Variants in PTPRK observed in about 807,000 individuals in gnomAD.
PTPRK encodes the protein receptor-type tyrosine-protein phosphatase kappa.
Under a neutral mutation model 178.0 loss-of-function variants are expected in PTPRK, and 75 were observed. That is an observed-to-expected ratio of 0.42 (90% CI 0.35 to 0.51). The LOEUF (loss-of-function observed/expected upper bound fraction) is 0.51, where lower values mean the gene tolerates loss of function less well. Among genes scored for constraint, PTPRK ranks in the 20% least tolerant of loss-of-function variants. The pLI, the probability that PTPRK is intolerant of heterozygous loss-of-function variation, is 0.02. For synonymous variants in PTPRK, 637 were observed against 620.6 expected, an observed-to-expected ratio of 1.03 and a Z score of -0.39; for missense variants, 1,441 against 1,797.8, an observed-to-expected ratio of 0.80 and a Z score of 3.59.
chr6:127,970,034 G>A lies in PTPRK; in HGVS notation c.*193C>T. ...CATGAAATGTTGATGCTTTAATATA[G>A]TAATAAAAACTAATTCAGTCCTTTT... On this transcript the variant is annotated 3_prime_UTR_variant, in exon 30 of 30. Transcript: ENST00000368226. 3 of 480,926 alleles carry A rather than the reference G, an allele frequency of 6.2e-6. No homozygotes were observed. In the East Asian group the frequency reaches 1.0e-4, roughly 16 times the overall value. 29.8% of individuals were successfully genotyped at this position (480,926 alleles called of 1,614,324 possible).
chr6:128,084,142 C>T (rs1011435835), intron 8 of PTPRK, among the ~76,000 whole-genome samples: 1 of 151,998 alleles, frequency 6.6e-6, no homozygotes, highest in East Asian at 1.9e-4. Flanking sequence ...CCTCTAATAA[C>T]GTGAGGATCT....
intron 6 of PTPRK, among the ~76,000 whole-genome samples, chr6:128,199,444 GTTA>G (rs993235253): frequency 7.9e-5 from 12 of 152,060 alleles, no homozygotes; most frequent in African/African-American, 2.9e-4. Context: ...GGGGGAAGAG[GTTA>G]TTAACTAGAA....
chr6:128,500,525 G>C (rs767260438), intron 1 of PTPRK: 2 of 152,156 alleles, frequency 1.3e-5, no homozygotes, highest in African/African-American at 2.4e-5. Context: ...AGGCATAAAG[G>C]TAAGAGATTG....
At chr6:128,120,989 T>C (rs1199171048) in intron 7 of PTPRK, among the ~76,000 whole-genome samples, 2 of 151,922 alleles carry the variant, frequency 1.3e-5, no homozygotes, top group Non-Finnish European at 2.9e-5. Context: ...TAGAAAATAG[T>C]TATTTGAAAT....
intron 15 of PTPRK, among the ~76,000 whole-genome samples, chr6:128,000,702 A>T (rs1777732484): frequency 2.0e-5 from 3 of 152,096 alleles, no homozygotes. Flanking sequence ...TTAAATTCAG[A>T]AGCAATTGAT....
At chr6:128,162,858 T>C (rs1798889973) in intron 7 of PTPRK, among the ~76,000 whole-genome samples, 1 of 151,626 alleles carries the variant, frequency 6.6e-6, no homozygotes, top group Non-Finnish European at 1.5e-5. Flanking sequence ...AGCACAATTC[T>C]AGGTGCTACT....
intron 6 of PTPRK, among the ~76,000 whole-genome samples, chr6:128,192,795 C>A (rs1487075920): frequency 8.1e-6 from 1 of 122,890 alleles, no homozygotes; most frequent in Non-Finnish European, 1.6e-5. Flanking sequence ...CCAGTGTGGG[C>A]AACAGAATGA....
intron 13 of PTPRK, among the ~76,000 whole-genome samples, chr6:128,034,513 A>G (rs1274649007): frequency 6.6e-6 from 1 of 152,220 alleles, no homozygotes; most frequent in African/African-American, 2.4e-5. Flanking sequence ...TATTAAATAT[A>G]CACAGTACTG....
chr6:128,165,603 A>G (rs1366472611), intron 7 of PTPRK, among the ~76,000 whole-genome samples: 1 of 151,104 alleles, frequency 6.6e-6, no homozygotes, highest in Non-Finnish European at 1.5e-5. Flanking sequence ...AAATACCAAT[A>G]TAAACTTAAA....
intron 6 of PTPRK, among the ~76,000 whole-genome samples, chr6:128,197,321 C>G (rs1451881713): frequency 1.3e-5 from 2 of 151,666 alleles, no homozygotes; most frequent in African/African-American, 4.8e-5. Flanking sequence ...TTTTAAGCCC[C>G]TCATGCATTA....
intron 1 of PTPRK, among the ~76,000 whole-genome samples, chr6:128,407,259 T>G (rs1841763410): frequency 6.6e-6 from 1 of 152,146 alleles, no homozygotes; most frequent in Non-Finnish European, 1.5e-5. Flanking sequence ...TGCTTCAAAC[T>G]CTAGTATATC....
At chr6:128,122,129 G>A (rs1792567421) in intron 7 of PTPRK, among the ~76,000 whole-genome samples, 2 of 151,984 alleles carry the variant, frequency 1.3e-5, no homozygotes, top group East Asian at 3.8e-4. Context: ...ATTTTTAATA[G>A]CCTCGAGAAA....
At chr6:128,422,693 A>C (rs929675208) in intron 1 of PTPRK, among the ~76,000 whole-genome samples, 28 of 150,794 alleles carry the variant, frequency 1.9e-4, no homozygotes, top group Non-Finnish European at 3.8e-4. Context: ...AAAAAAAAAA[A>C]AAAAAAAAAA....
intron 13 of PTPRK, among the ~76,000 whole-genome samples, chr6:128,046,254 C>T (rs1410295545): frequency 6.6e-6 from 1 of 152,058 alleles, no homozygotes; most frequent in Non-Finnish European, 1.5e-5. Context: ...AACCTTAAAT[C>T]AGATTAATTT....
chr6:128,385,478 C>T (rs1005656478), intron 2 of PTPRK, among the ~76,000 whole-genome samples: 1 of 152,052 alleles, frequency 6.6e-6, no homozygotes, highest in Non-Finnish European at 1.5e-5. Context: ...TAAAATGTGT[C>T]CAAAATAATT....
chr6:128,235,260 T>C (rs1562841529), intron 5 of PTPRK: 1 of 152,298 alleles, frequency 6.6e-6, no homozygotes, highest in Non-Finnish European at 1.5e-5. Flanking sequence ...ATATTTTCAA[T>C]AATACTGAAA....
At chr6:128,415,519 A>AAAC (rs1172005238) in intron 1 of PTPRK, among the ~76,000 whole-genome samples, 28 of 151,706 alleles carry the variant, frequency 1.8e-4, no homozygotes, top group African/African-American at 6.5e-4. Flanking sequence ...AAAAAAAAAA[A>AAAC]ATTATTCTCA....
intron 1 of PTPRK, among the ~76,000 whole-genome samples, chr6:128,473,048 T>C (rs1203213840): frequency 6.6e-6 from 1 of 152,120 alleles, no homozygotes; most frequent in African/African-American, 2.4e-5. Context: ...AGTTTCTCCA[T>C]AATGTCCTTT....
chr6:128,281,981 A>C (rs896035538), intron 3 of PTPRK, among the ~76,000 whole-genome samples: 2 of 152,160 alleles, frequency 1.3e-5, no homozygotes, highest in African/African-American at 4.8e-5. Flanking sequence ...ACATGGACTC[A>C]TTGAGAGAAA....
Sources: allele counts gnomAD v4.1 joint callset (sites outside exome capture counted in the v4.1 genomes callset), GRCh38; gene constraint gnomAD v4.1.1; transcripts MANE v1.5; gene names NCBI Gene and HGNC (gene_info 2026-07-23, HGNC 2026-07-21).